RAB5A: variants seen among roughly 807,000 people sequenced by gnomAD.
RAB5A encodes the protein RAB5A, member RAS oncogene family.
A neutral mutation model predicts 25.7 loss-of-function variants in RAB5A; 8 were observed. The ratio of observed to expected loss-of-function variants is 0.31; its 90% CI spans 0.18 to 0.56. The LOEUF (loss-of-function observed/expected upper bound fraction) is 0.56, where lower values mean the gene tolerates loss of function less well. Among genes scored for constraint, RAB5A ranks in the 20% least tolerant of loss-of-function variants. The pLI is 0.91. For missense variants in RAB5A, 192 were observed against 259.7 expected (o/e 0.74, Z 1.79); for synonymous variants, 98 against 89.8 (o/e 1.09, Z -0.52).
intron 2 of RAB5A, among the ~76,000 whole-genome samples, chr3:19,951,701 GTTTTTTTT>G (rs61250458): frequency 1.0e-5 from 1 of 99,014 alleles, no homozygotes; most frequent in Non-Finnish European, 2.0e-5. Context: ...TGCCAGGCAA[GTTTTTTTT>G]TTTTTTTTTT....
chr3:19,976,294 CA>C (rs1230105563), intron 4 of RAB5A, 125 bp downstream of exon 4: 13 of 1,097,062 alleles, frequency 1.2e-5, no homozygotes, highest in African/African-American at 1.6e-5. Context: ...ATTTTTAAAA[CA>C]AATATAAAGT....
At chr3:19,981,233 CGAT>C (rs1458833998) in intron 5 of RAB5A, among the ~76,000 whole-genome samples, 2 of 152,144 alleles carry the variant, frequency 1.3e-5, no homozygotes, top group Non-Finnish European at 2.9e-5. Flanking sequence ...TTTTATAACT[CGAT>C]GGGGTGAAAG....
At chr3:19,954,475 T>G (rs2125179478) in intron 2 of RAB5A, among the ~76,000 whole-genome samples, 1 of 152,320 alleles carries the variant, frequency 6.6e-6, no homozygotes, top group Admixed American at 6.5e-5. Flanking sequence ...ATATCAAGAT[T>G]TCTTCTGTAA....
At chr3:19,965,882 G>A (rs866733525) in intron 2 of RAB5A, among the ~76,000 whole-genome samples, 1 of 151,800 alleles carries the variant, frequency 6.6e-6, no homozygotes, top group African/African-American at 2.4e-5. Context: ...ACAGGTGCAC[G>A]CCACCACACC....
At chr3:19,964,039 C>G (rs535002507) in intron 2 of RAB5A, among the ~76,000 whole-genome samples, 3 of 152,278 alleles carry the variant, frequency 2.0e-5, no homozygotes, top group East Asian at 1.9e-4. Flanking sequence ...CTGGAAGATT[C>G]TCTTGAGGGC....
intron 5 of RAB5A, among the ~76,000 whole-genome samples, chr3:19,982,433 T>C (rs1009640209): frequency 1.3e-5 from 2 of 152,228 alleles, no homozygotes; most frequent in Non-Finnish European, 1.5e-5. Context: ...TTGGGTGTTA[T>C]CTGTCCTTCC....
chr3:19,949,440 G>A (rs35172759), intron 1 of RAB5A, among the ~76,000 whole-genome samples: 83,164 of 151,900 alleles, frequency 0.55, 23,174 homozygotes, highest in Non-Finnish European at 0.58. Context: ...GCTGGTCTCA[G>A]AGTCCTCCTG....
chr3:19,962,963 C>G (rs13076973), intron 2 of RAB5A, among the ~76,000 whole-genome samples: 25,719 of 152,014 alleles, frequency 0.17, 2,112 homozygotes, highest in South Asian at 0.21. Context: ...CAGGTATGCA[C>G]CAACACACTT....
intron 2 of RAB5A, among the ~76,000 whole-genome samples, chr3:19,962,225 C>T (rs1352019541): frequency 1.3e-5 from 2 of 152,146 alleles, no homozygotes; most frequent in African/African-American, 2.4e-5. Context: ...GTCAACATCA[C>T]ACTGTAAGAA....
chr3:19,950,953 T>A lies in RAB5A; in HGVS notation c.55T>A (p.Cys19Ser), dbSNP rs147139196. Residue 19 changes from cysteine to serine, a missense_variant, in exon 2 of 6, where the codon TGC becomes AGC. Physicochemically the swap from Cys to Ser is moderately radical, Grantham distance 112 (BLOSUM62 -1). Transcript: ENST00000273047. ...CGGGCCAAATACGGGAAATAAAATA[T>A]GCCAGTTCAAACTAGTACTTCTGGG... is the stretch of plus-strand genomic sequence containing the variant. Reference protein sequence around the residue: ...PNGPNTGNKICQFKLVLLGES... With the variant: ...PNGPNTGNKISQFKLVLLGES... The A allele has an allele frequency of 6.2e-7, 1 of 1,613,882 alleles. No individual in the cohort carries two copies. The highest frequency in any genetic ancestry group is 2.2e-5 in the East Asian group (1 of 44,884).
chr3:19,973,704 T>G lies in RAB5A; in HGVS notation c.164-1897T>G, dbSNP rs74611210. 6.2e-3 allele frequency among the ~76,000 whole-genome samples: 942 copies of G among 152,304 alleles called. 11 individuals are homozygous for G. Among genetic ancestry groups the G allele is most frequent in the African/African-American group, 0.021 (854 of 41,550 alleles). On this transcript the variant is annotated intron_variant, in intron 2 of 5. Coordinates refer to ENST00000273047, the MANE Select transcript of RAB5A (RefSeq NM_004162.5). ...TGATTAATGAGAATTCATAAAACTATTAATTAGAATCTAGGTCCAAATGAA... is the reference window on the plus strand; with the variant it reads ...TGATTAATGAGAATTCATAAAACTAGTAATTAGAATCTAGGTCCAAATGAA...
At chr3:19,970,801 T>C in intron 2 of RAB5A, 1 of 312,102 alleles carries the variant, frequency 3.2e-6, no homozygotes, top group South Asian at 2.5e-5. Context: ...TACGTAACTT[T>C]ATAAATTACT....
intron 2 of RAB5A, among the ~76,000 whole-genome samples, chr3:19,971,221 T>C (rs1448491364): frequency 2.8e-5 from 4 of 144,456 alleles, no homozygotes; most frequent in South Asian, 2.3e-4. Flanking sequence ...AAAAACACTA[T>C]AGTAGTATTT....
In RAB5A at chr3:19,983,166, G is replaced by A. The variant is rs770076075; in HGVS notation, c.533-542G>A. Reference sequence around the variant, plus strand: ...AGCCTGGGCAACATGGTGAAACCCCGTCTCTACTAAAAAACAAAAATTAGC... The same window carrying A: ...AGCCTGGGCAACATGGTGAAACCCCATCTCTACTAAAAAACAAAAATTAGC... On this transcript the variant is annotated intron_variant, in intron 5 of 5. Coordinates refer to ENST00000273047, the MANE Select transcript of RAB5A (RefSeq NM_004162.5). 3.3e-5 allele frequency among the ~76,000 whole-genome samples: 5 copies of A among 151,940 alleles called. No homozygotes were observed. The South Asian group carries it at 6.2e-4, about 19-fold the overall frequency.
intron 3 of RAB5A, 32 bp downstream of exon 3, chr3:19,975,784 A>T (rs1408612851): frequency 6.4e-7 from 1 of 1,567,438 alleles, no homozygotes; most frequent in Non-Finnish European, 8.7e-7. Flanking sequence ...AGTAAAACTA[A>T]TTTGAGTACC....
chr3:19,966,630 G>C (rs958301769), intron 2 of RAB5A, among the ~76,000 whole-genome samples: 2 of 152,098 alleles, frequency 1.3e-5, no homozygotes, highest in African/African-American at 2.4e-5. Flanking sequence ...TTCCATACCA[G>C]CTGCAAAGCA....
intron 2 of RAB5A, among the ~76,000 whole-genome samples, chr3:19,974,462 A>C (rs907246359): frequency 4.6e-5 from 7 of 152,040 alleles, no homozygotes; most frequent in Non-Finnish European, 1.0e-4. Context: ...CTATAATGCT[A>C]CTTTCCTAGT....
intron 2 of RAB5A, among the ~76,000 whole-genome samples, chr3:19,972,487 C>G (rs539662520): frequency 7.2e-5 from 11 of 152,216 alleles, no homozygotes; most frequent in African/African-American, 2.6e-4. Context: ...GGTTTCTAAG[C>G]AGAGTTGAGG....
intron 2 of RAB5A, among the ~76,000 whole-genome samples, chr3:19,962,063 G>C (rs1193512412): frequency 6.6e-6 from 1 of 152,126 alleles, no homozygotes; most frequent in Non-Finnish European, 1.5e-5. Context: ...TCCGGCAGTT[G>C]GTGCTGGCTA....
Sources: gnomAD v4.1 joint callset for allele counts (sites outside exome capture counted in the v4.1 genomes callset) on GRCh38, gnomAD v4.1.1 for gene constraint, MANE v1.5 for transcripts, NCBI Gene and HGNC (gene_info 2026-07-23, HGNC 2026-07-21) for gene names.